GNA14: variants seen among roughly 807,000 people sequenced by gnomAD.
The protein encoded by GNA14 is guanine nucleotide-binding protein subunit alpha-14.
Under a neutral mutation model 42.0 loss-of-function variants are expected in GNA14, and 50 were observed. The observed-to-expected ratio is 1.19, with a 90% confidence interval of 0.95 to 1.51. GNA14 has a LOEUF of 1.51. GNA14 is among the 40% of genes most tolerant of loss of function. The probability of loss-of-function intolerance (pLI) is 0.00; values close to 1 mark genes in which losing one functional copy is unlikely to be tolerated. For missense variants in GNA14, 473 were observed against 446.2 expected (o/e 1.06, Z -0.54); for synonymous variants, 173 against 163.1 (o/e 1.06, Z -0.46).
At chr9:77,512,516 G>C (rs1837187923) in intron 2 of GNA14, among the ~76,000 whole-genome samples, 1 of 152,018 alleles carries the variant, frequency 6.6e-6, no homozygotes, top group Admixed American at 6.5e-5. Context: ...AAAATTAACA[G>C]GGAAATTATC....
intron 1 of GNA14, among the ~76,000 whole-genome samples, chr9:77,624,972 A>C (rs1291138933): frequency 6.6e-6 from 1 of 152,050 alleles, no homozygotes; most frequent in Non-Finnish European, 1.5e-5. Flanking sequence ...TAAAAGAGCA[A>C]GTCCTAACCC....
chr9:77,556,095 T>C (rs1245407135), intron 1 of GNA14, among the ~76,000 whole-genome samples: 1 of 151,940 alleles, frequency 6.6e-6, no homozygotes, highest in Non-Finnish European at 1.5e-5. Context: ...AATACAAAAA[T>C]TAGCCGGGCA....
intron 1 of GNA14, among the ~76,000 whole-genome samples, chr9:77,546,890 C>T (rs573333517): frequency 6.6e-6 from 1 of 152,196 alleles, no homozygotes; most frequent in South Asian, 2.1e-4. Flanking sequence ...TTCTGGTTGC[C>T]CAGGGCAGCC....
At chr9:77,634,774 T>G (rs139795184) in intron 1 of GNA14, among the ~76,000 whole-genome samples, 2 of 152,224 alleles carry the variant, frequency 1.3e-5, no homozygotes, top group Non-Finnish European at 2.9e-5. Context: ...ACTACTCAGC[T>G]GGTATTTCAT....
At chr9:77,584,856 G>C (rs1161133773) in intron 1 of GNA14, among the ~76,000 whole-genome samples, 3 of 152,036 alleles carry the variant, frequency 2.0e-5, no homozygotes, top group African/African-American at 7.2e-5. Flanking sequence ...GACCATATAG[G>C]GTAACTTCCT....
At chr9:77,547,223 G>C (rs951411719) in intron 1 of GNA14, among the ~76,000 whole-genome samples, 2 of 152,118 alleles carry the variant, frequency 1.3e-5, no homozygotes, top group African/African-American at 4.8e-5. Flanking sequence ...CAGACAGTGG[G>C]GAAACACAGT....
chr9:77,463,116 CA>C (rs1836145033), intron 2 of GNA14, among the ~76,000 whole-genome samples: 1 of 152,194 alleles, frequency 6.6e-6, no homozygotes, highest in African/African-American at 2.4e-5. Flanking sequence ...CGAAGGGCAC[CA>C]TTTCCAAATA....
At chr9:77,522,409 A>C (rs899593696) in intron 2 of GNA14, among the ~76,000 whole-genome samples, 4 of 152,208 alleles carry the variant, frequency 2.6e-5, no homozygotes, top group Non-Finnish European at 5.9e-5. Context: ...TGTCACCTGG[A>C]GATTCTGTCA....
chr9:77,626,947 C>G (rs768855677), intron 1 of GNA14, among the ~76,000 whole-genome samples: 2 of 152,060 alleles, frequency 1.3e-5, no homozygotes, highest in African/African-American at 2.4e-5. Flanking sequence ...AACGCAGGAG[C>G]TGGTTTTCTG....
intron 1 of GNA14, among the ~76,000 whole-genome samples, chr9:77,600,028 CATACATACTT>C (rs1199884332): frequency 6.6e-6 from 1 of 152,168 alleles, no homozygotes; most frequent in Admixed American, 6.5e-5. Flanking sequence ...TTCCACAATG[CATACATACTT>C]TAAAACATCA....
At chr9:77,453,859 A>G (rs1459254744) in intron 2 of GNA14, among the ~76,000 whole-genome samples, 1 of 152,230 alleles carries the variant, frequency 6.6e-6, no homozygotes, top group Non-Finnish European at 1.5e-5. Flanking sequence ...ACGATACACT[A>G]CTTGCCAAAT....
intron 1 of GNA14, among the ~76,000 whole-genome samples, chr9:77,585,868 T>C (rs1020915889): frequency 6.6e-6 from 1 of 152,194 alleles, no homozygotes; most frequent in African/African-American, 2.4e-5. Flanking sequence ...TTTTAGACCT[T>C]TATGTTGTTA....
intron 1 of GNA14, among the ~76,000 whole-genome samples, chr9:77,588,078 G>A (rs900925468): frequency 2.6e-5 from 4 of 152,080 alleles, no homozygotes; most frequent in Admixed American, 2.6e-4. Context: ...TGGCCCTCCT[G>A]CATCCCTTAT....
chr9:77,571,687 C>A (rs1178682090), intron 1 of GNA14, among the ~76,000 whole-genome samples: 1 of 150,916 alleles, frequency 6.6e-6, no homozygotes, highest in Non-Finnish European at 1.5e-5. Flanking sequence ...GTAATACCAG[C>A]TACTCGAGAG....
intron 2 of GNA14, among the ~76,000 whole-genome samples, chr9:77,499,862 T>A (rs962257468): frequency 6.6e-6 from 1 of 151,518 alleles, no homozygotes; most frequent in African/African-American, 2.4e-5. Context: ...AATAAATAAA[T>A]AAATAAATAA....
chr9:77,558,577 C>T (rs1461617772), intron 1 of GNA14, among the ~76,000 whole-genome samples: 1 of 152,116 alleles, frequency 6.6e-6, no homozygotes, highest in African/African-American at 2.4e-5. Context: ...CCAGATCGTA[C>T]ATCTAACCAC....
intron 1 of GNA14, among the ~76,000 whole-genome samples, chr9:77,589,983 A>G (rs1823366901): frequency 6.6e-6 from 1 of 152,034 alleles, no homozygotes; most frequent in South Asian, 2.1e-4. Flanking sequence ...GTGGCGCAAT[A>G]TCGGCTCACT....
At chr9:77,457,028 TG>T (rs1228977798) in intron 2 of GNA14, among the ~76,000 whole-genome samples, 2 of 152,362 alleles carry the variant, frequency 1.3e-5, no homozygotes, top group East Asian at 3.9e-4. Context: ...CGCCACGTAG[TG>T]GCAGCTTCCA....
intron 1 of GNA14, among the ~76,000 whole-genome samples, chr9:77,610,727 C>T (rs1158882008): frequency 1.3e-5 from 2 of 152,118 alleles, no homozygotes; most frequent in African/African-American, 4.8e-5. Context: ...ACCAAATAAG[C>T]TATTTCTGAT....
Sources: gnomAD v4.1 joint callset for allele counts (sites outside exome capture counted in the v4.1 genomes callset) on GRCh38, gnomAD v4.1.1 for gene constraint, MANE v1.5 for transcripts, NCBI Gene and HGNC (gene_info 2026-07-23, HGNC 2026-07-21) for gene names.